Variants in DACT1 observed in about 807,000 individuals in gnomAD.
DACT1 encodes dapper homolog 1.
Under a neutral mutation model 35.3 loss-of-function variants are expected in DACT1, and 19 were observed. The observed-to-expected ratio is 0.54, with a 90% CI of 0.38 to 0.79. DACT1 has a LOEUF of 0.79. DACT1 is among the 30% of genes least tolerant of loss of function. The probability of loss-of-function intolerance (pLI) is 0.00; values close to 1 mark genes in which losing one functional copy is unlikely to be tolerated. For missense variants in DACT1, 1,143 were observed against 1,057.5 expected, an observed-to-expected ratio of 1.08 and a Z score of -1.12; for synonymous variants, 545 against 466.7, an observed-to-expected ratio of 1.17 and a Z score of -2.16.
At chr14:58,639,009 T>C (rs2047602608) in intron 1 of DACT1, 6 of 985,712 alleles carry the variant, frequency 6.1e-6, no homozygotes, top group Non-Finnish European at 7.2e-6. Flanking sequence ...CGTGCTTAAC[T>C]GTCCAGGGCC....
Position 58,645,949 on chromosome 14 carries a change from C to G in DACT1, c.1215C>G (p.Gly405=). The part of the protein sequence containing the change: ...RVPLPEGCPS[G]AASDLQSKHL... Reference sequence around the variant, plus strand: ...CCCTGCCAGAGGGCTGCCCCTCAGGCGCTGCCTCCGACCTTCAGAGTAAGC... The same window carrying G: ...CCCTGCCAGAGGGCTGCCCCTCAGGGGCTGCCTCCGACCTTCAGAGTAAGC... Residue 405 remains glycine (G), a synonymous_variant, in exon 4 of 4, where the codon GGC becomes GGG. Transcript: ENST00000395153. 6.2e-7 allele frequency: 1 copy of G among 1,613,920 alleles called. No homozygotes were observed. Among genetic ancestry groups the G allele is most frequent in the Non-Finnish European group, 8.5e-7 (1 of 1,180,012 alleles).
Position 58,640,803 on chromosome 14 carries a change from A to T in DACT1, c.413A>T (p.Asp138Val), listed in dbSNP as rs1025977749. ...CAAGAGCTTGACAAGCAGATAAGTGACCTGAGACTGGATGTAGAAAAGACA... is the reference window on the plus strand; with the variant it reads ...CAAGAGCTTGACAAGCAGATAAGTGTCCTGAGACTGGATGTAGAAAAGACA... ...QLQELDKQIS[D>V]LRLDVEKTSE... Residue 138 changes from aspartate to valine, a missense_variant, in exon 2 of 4, where the codon GAC becomes GTC. By Grantham distance (152) the Asp-to-Val change is radical. Transcript: ENST00000395153. The T allele has an allele frequency of 1.9e-6, 3 of 1,614,134 alleles. No homozygotes were observed. The highest frequency in any genetic ancestry group is 2.5e-6 in the Non-Finnish European group (3 of 1,180,010).
chr14:58,647,031 A>G lies in DACT1; in HGVS notation c.2297A>G (p.Asn766Ser). 1 of 1,614,174 alleles carries G rather than the reference A, an allele frequency of 6.2e-7. No homozygotes were observed. Among genetic ancestry groups the G allele is most frequent in the Non-Finnish European group, 8.5e-7 (1 of 1,180,022 alleles). The change falls in exon 4 of 4, where the codon AAC becomes AGC. Residue 766 changes from asparagine to serine, a missense_variant. This residue lies in a region of DACT1 where 1,054 missense variants were observed against 958.8 expected (regional missense o/e 1.10). Transcript: ENST00000395153. ...ACGGTAACGGCCCCAGACCTTCACA[A>G]CCACCCCGCAAAAACCTTTGTCAAA... ...IQTVTAPDLH[N>S]HPAKTFVKIK...
rs767148940 is a variant in DACT1 at position 58,646,273 on chromosome 14, G to A, written c.1539G>A (p.Glu513=). The A allele has an allele frequency of 6.2e-7, 1 of 1,613,678 alleles. No individual in the cohort carries two copies. Among genetic ancestry groups the A allele is most frequent in the Non-Finnish European group, 8.5e-7 (1 of 1,179,892 alleles). Residue 513 remains glutamate, a synonymous_variant, in exon 4 of 4, where the codon GAG becomes GAA. Transcript: ENST00000395153. ...GCGAGGGCTCTTCCCAAAGCCTGGA[G>A]GAAGCGCACCTGGTCAAGGCCCAGT... The part of the protein sequence containing the change: ...FKSEGSSQSL[E]EAHLVKAQFI...
rs892205290 is a variant in DACT1 at position 58,648,269 on chromosome 14, A to G, written c.*1135A>G. On this transcript the variant is annotated 3_prime_UTR_variant, in exon 4 of 4. Coordinates refer to ENST00000395153, the MANE Select transcript of DACT1 (RefSeq NM_001079520.2). ...TATGCAGTAATAAACCATTTGTTTT[A>G]CTGCTGTTAAGTTTGTTATTTGGGT... 1.8e-5 allele frequency: 3 copies of G among 167,060 alleles called. No individual in the cohort carries two copies. Among genetic ancestry groups the G allele is most frequent in the Admixed American group, 6.5e-5 (1 of 15,284 alleles). The allele number at this position is 167,060 out of a possible 1,614,324, so 10.3% of individuals were successfully genotyped here.
At chr14:58,636,959 C>G (rs1020680122), upstream of DACT1, among the ~76,000 whole-genome samples, 1 of 152,148 alleles carries the variant, frequency 6.6e-6, no homozygotes, top group African/African-American at 2.4e-5. Context: ...CTCATATCAC[C>G]TTTACTATCT....
In DACT1 at chr14:58,640,925, T is replaced by C. The variant is rs946218316; in HGVS notation, c.478+57T>C. On this transcript the variant is annotated intron_variant, in intron 2 of 3. Transcript: ENST00000395153. ...CACTCTTGAGTTGTATCTCAGCCCC[T>C]TGTGGTTAACATTCCCAGACCTGCA... 5.0e-6 allele frequency: 8 copies of C among 1,598,302 alleles called. No homozygotes were observed. The African/African-American group carries it at 9.4e-5, about 19-fold the overall frequency.
chr14:58,636,079 T>G (rs970704707), upstream of DACT1, among the ~76,000 whole-genome samples: 2 of 152,214 alleles, frequency 1.3e-5, no homozygotes, highest in African/African-American at 4.8e-5. Flanking sequence ...AGAATCGATT[T>G]TGTATGCTTA....
rs370177126 is a variant in DACT1 at position 58,646,240 on chromosome 14, T to C, written c.1506T>C (p.Asp502=). The C allele has an allele frequency of 1.1e-5, 17 of 1,613,870 alleles. No homozygotes were observed. In the African/African-American group the frequency reaches 2.1e-4, roughly 20 times the overall value. Residue 502 remains aspartate (D), a synonymous_variant, in exon 4 of 4, where the codon GAT becomes GAC. Transcript: ENST00000395153. ...AFPVEERPAL[D]FKSEGSSQSL... ...CCGTGGAAGAGAGGCCTGCCTTGGATTTCAAGAGCGAGGGCTCTTCCCAAA... is the reference window on the plus strand; with the variant it reads ...CCGTGGAAGAGAGGCCTGCCTTGGACTTCAAGAGCGAGGGCTCTTCCCAAA...
intron 3 of DACT1, among the ~76,000 whole-genome samples, chr14:58,643,895 G>A (rs2047649784): frequency 1.3e-5 from 2 of 152,124 alleles, no homozygotes; most frequent in Admixed American, 1.3e-4. Flanking sequence ...GGGGGGTCAT[G>A]TGGGTGGGGA....
chr14:58,645,412 G>A lies in DACT1; in HGVS notation c.678G>A (p.Gly226=), dbSNP rs748330950. The change falls in exon 4 of 4, where the codon GGG becomes GGA. Residue 226 remains glycine (G), a synonymous_variant. Transcript: ENST00000395153. ...AGTGTGATCTGGTGTCTAAAAACGG[G>A]AATGATGTATATCGCTATCCCAGTC... The part of the protein sequence containing the change: ...KYQCDLVSKN[G]NDVYRYPSPL... The A allele has an allele frequency of 1.2e-6, 2 of 1,614,222 alleles. No homozygotes were observed. Among genetic ancestry groups the A allele is most frequent in the South Asian group, 2.2e-5 (2 of 91,086 alleles).
rs779393237 is a variant in DACT1 at position 58,645,266 on chromosome 14, G to A, written c.635-103G>A. 9 of 1,613,702 alleles carry A rather than the reference G, an allele frequency of 5.6e-6. No individual in the cohort carries two copies. In the African/African-American group the frequency reaches 6.7e-5, roughly 12 times the overall value. ...CTTTAACTGTTTTTCAGATCTCATA[G>A]GATTGTTGGAATATAAAGAAGGCCA... is the stretch of plus-strand genomic sequence containing the variant. On this transcript the variant is annotated intron_variant, in intron 3 of 3. Transcript: ENST00000395153.
intron 2 of DACT1, among the ~76,000 whole-genome samples, chr14:58,641,299 C>CATCA (rs1252111788): frequency 5.3e-5 from 8 of 151,410 alleles, no homozygotes; most frequent in Admixed American, 5.3e-4. Flanking sequence ...TGAGGCTTGA[C>CATCA]AGATCTAAGT....
rs1859169286 is a variant in DACT1, at chr14:58,646,587, G to A, written c.1853G>A (p.Ser618Asn). The A allele has an allele frequency of 6.3e-7, 1 of 1,582,636 alleles. No individual in the cohort carries two copies. The highest frequency in any genetic ancestry group is 1.1e-5 in the South Asian group (1 of 87,716). The change falls in exon 4 of 4, where the codon AGC becomes AAC. Residue 618 changes from serine to asparagine, a missense_variant. Physicochemically the swap from Ser to Asn is conservative, Grantham distance 46. Coordinates refer to ENST00000395153, the MANE Select transcript of DACT1 (RefSeq NM_001079520.2). ...GCGGGCGGGGGCCACAGGGCGGGGA[G>A]CAGGGCGCATGGCCACGGACGGGAG... ...RPAGGGHRAG[S>N]RAHGHGREAV...
chr14:58,638,339 A>C lies in DACT1; in HGVS notation c.137A>C (p.Glu46Ala). ...EADTERQRTR[E>A]RQEATLAGLA... ...GACACCGAGCGGCAGCGCACCCGGG[A>C]GCGGCAGGAGGCCACGCTGGCCGGG... Residue 46 changes from glutamate to alanine, a missense_variant, in exon 1 of 4, where the codon GAG becomes GCG. By Grantham distance (107) the Glu-to-Ala change is moderately radical. Coordinates refer to ENST00000395153, the MANE Select transcript of DACT1 (RefSeq NM_001079520.2). 3.0e-6 allele frequency: 4 copies of C among 1,311,878 alleles called. No homozygotes were observed. The highest frequency in any genetic ancestry group is 3.9e-6 in the Non-Finnish European group (4 of 1,035,558). 81.3% of individuals were successfully genotyped at this position (1,311,878 alleles called of 1,614,324 possible). A position where few individuals can be genotyped will look rare whatever the true frequency, so the allele number is the denominator to read the frequency against.
At chr14:58,638,834 T>C in intron 1 of DACT1, 7 of 1,133,394 alleles carry the variant, frequency 6.2e-6, no homozygotes, top group Non-Finnish European at 7.6e-6. Context: ...TTCGGGATTC[T>C]TGGAGTCGCC....
chr14:58,646,265 A>C lies in DACT1; in HGVS notation c.1531A>C (p.Ser511Arg), dbSNP rs1425056292. The C allele has an allele frequency of 1.2e-6, 2 of 1,613,826 alleles. No homozygotes were observed. Residue 511 changes from serine (S) to arginine (R), a missense_variant, in exon 4 of 4, where the codon AGC becomes CGC. By Grantham distance (110) the Ser-to-Arg change is moderately radical. Transcript: ENST00000395153. ...LDFKSEGSSQ[S>R]LEEAHLVKAQ... ...TTTCAAGAGCGAGGGCTCTTCCCAAAGCCTGGAGGAAGCGCACCTGGTCAA... is the reference window on the plus strand; with the variant it reads ...TTTCAAGAGCGAGGGCTCTTCCCAACGCCTGGAGGAAGCGCACCTGGTCAA...
intron 3 of DACT1, among the ~76,000 whole-genome samples, chr14:58,643,407 GCC>G (rs2047645572): frequency 6.6e-6 from 1 of 152,182 alleles, no homozygotes; most frequent in Non-Finnish European, 1.5e-5. Flanking sequence ...TTGGGTATAA[GCC>G]TGAATTTTTG....
rs61732590 is a variant in DACT1 at position 58,646,136 on chromosome 14, C to T, written c.1402C>T (p.Pro468Ser). ...APPQENKVVQ[P>S]LKKMSQKNSL... ...GCCGCAGGAGAACAAAGTTGTACAG[C>T]CCCTGAAAAAGATGTCACAGAAAAA... Residue 468 changes from proline (P) to serine (S), a missense_variant, in exon 4 of 4, where the codon CCC becomes TCC. Physicochemically the swap from Pro to Ser is moderately conservative, Grantham distance 74. Transcript: ENST00000395153. 5.0e-6 allele frequency: 8 copies of T among 1,613,686 alleles called. No homozygotes were observed. In the African/African-American group the frequency reaches 5.3e-5, roughly 11 times the overall value.
Sources: allele counts gnomAD v4.1 joint callset (sites outside exome capture counted in the v4.1 genomes callset), GRCh38; gene constraint gnomAD v4.1.1; regional missense constraint gnomAD v4.1.1; transcripts MANE v1.5; gene names NCBI Gene and HGNC (gene_info 2026-07-23, HGNC 2026-07-21).